ST3GAL3: variants seen among roughly 807,000 people sequenced by gnomAD.
ST3GAL3 encodes CMP-N-acetylneuraminate-beta-1,4-galactoside alpha-2,3-sialyltransferase.
ST3GAL3 carries 21 observed loss-of-function variants against 50.1 expected under a neutral mutation model. The ratio of observed to expected loss-of-function variants is 0.42; its 90% CI spans 0.30 to 0.60. The LOEUF (loss-of-function observed/expected upper bound fraction) is 0.60. Among genes scored for constraint, ST3GAL3 ranks in the 20% least tolerant of loss-of-function variants. The pLI is 0.19. For synonymous variants in ST3GAL3, 183 were observed against 190.0 expected (o/e 0.96, Z 0.30); for missense variants, 353 against 489.4 (o/e 0.72, Z 2.63).
intron 5 of ST3GAL3, among the ~76,000 whole-genome samples, chr1:43,881,096 C>G (rs554412002): frequency 7.5e-4 from 114 of 152,172 alleles, no homozygotes; most frequent in African/African-American, 2.7e-3. Context: ...CTGCAACCTC[C>G]TCCTCCCGGG....
At chr1:43,927,590 A>C (rs1198905127) in intron 11 of ST3GAL3, among the ~76,000 whole-genome samples, 1 of 152,110 alleles carries the variant, frequency 6.6e-6, no homozygotes, top group East Asian at 1.9e-4. Context: ...ATCTGCTTGA[A>C]TCCTGGCCTT....
chr1:43,850,931 C>T (rs2067173711), intron 5 of ST3GAL3: 2 of 1,119,932 alleles, frequency 1.8e-6, no homozygotes, highest in Non-Finnish European at 2.7e-6. Flanking sequence ...CCATACTTTG[C>T]CCTCCTTTCC....
intron 5 of ST3GAL3, among the ~76,000 whole-genome samples, chr1:43,856,577 A>T (rs2068428830): frequency 6.6e-6 from 1 of 152,240 alleles, no homozygotes; most frequent in South Asian, 2.1e-4. Context: ...AGAGTGCTCT[A>T]TAACTAAAGC....
intron 2 of ST3GAL3, among the ~76,000 whole-genome samples, chr1:43,755,602 G>A (rs973272646): frequency 5.9e-5 from 9 of 152,278 alleles, no homozygotes; most frequent in Non-Finnish European, 1.0e-4. Context: ...TAGGCAAAAA[G>A]TAGGGTATTT....
intron 2 of ST3GAL3, among the ~76,000 whole-genome samples, chr1:43,758,172 C>A (rs1054686741): frequency 2.0e-4 from 28 of 136,774 alleles, no homozygotes; most frequent in African/African-American, 6.8e-4. Context: ...ACCCCCCCCC[C>A]CAAAAAAAAG....
intron 3 of ST3GAL3, among the ~76,000 whole-genome samples, chr1:43,814,356 T>C (rs955792340): frequency 1.3e-5 from 2 of 152,236 alleles, no homozygotes; most frequent in Admixed American, 1.3e-4. Flanking sequence ...TGATCACTTG[T>C]TAGAAGCATC....
At chr1:43,864,536 G>A (rs370265104) in intron 5 of ST3GAL3, among the ~76,000 whole-genome samples, 139 of 152,328 alleles carry the variant, frequency 9.1e-4, no homozygotes, top group South Asian at 6.4e-3. Context: ...TGGAGTACAA[G>A]TCCTTGGTAA....
At chr1:43,851,288 TG>T (rs2067257710) in intron 5 of ST3GAL3, 1 of 1,569,650 alleles carries the variant, frequency 6.4e-7, no homozygotes, top group Non-Finnish European at 8.8e-7. Context: ...CATGAACCCG[TG>T]GGTCAGGTGA....
intron 4 of ST3GAL3, 28 bp from the exon 5 acceptor site, chr1:43,838,191 A>G: frequency 6.4e-7 from 1 of 1,571,506 alleles, no homozygotes. Flanking sequence ...GTGCCTGGCA[A>G]GCTGTAACTT....
intron 4 of ST3GAL3, among the ~76,000 whole-genome samples, chr1:43,819,783 C>A (rs960846180): frequency 6.6e-6 from 1 of 152,136 alleles, no homozygotes; most frequent in Non-Finnish European, 1.5e-5. Context: ...CCCACTCCCC[C>A]CTCTAGTAGT....
At chr1:43,855,267 A>G (rs997255334) in intron 5 of ST3GAL3, among the ~76,000 whole-genome samples, 1 of 152,198 alleles carries the variant, frequency 6.6e-6, no homozygotes, top group Admixed American at 6.5e-5. Context: ...GGAGCGGATC[A>G]TAATTCCAAA....
chr1:43,858,391 G>C (rs561222245), intron 5 of ST3GAL3: 1 of 1,150,506 alleles, frequency 8.7e-7, no homozygotes, highest in Non-Finnish European at 1.1e-6. Flanking sequence ...CAGCCTAGGA[G>C]CAGGAACTGT....
At chr1:43,851,124 AG>A (rs1188398389) in intron 5 of ST3GAL3, 1 of 1,090,386 alleles carries the variant, frequency 9.2e-7, no homozygotes, top group Non-Finnish European at 1.4e-6. Flanking sequence ...AGGTTTTAGG[AG>A]GAGCAGCTGG....
chr1:43,858,622 G>A (rs142076375), intron 5 of ST3GAL3, among the ~76,000 whole-genome samples: 228 of 152,340 alleles, frequency 1.5e-3, no homozygotes, highest in African/African-American at 5.4e-3. Context: ...CTCCCAGCCA[G>A]GAGCAAGCAG....
chr1:43,712,316 C>A (rs926604425), intron 1 of ST3GAL3, among the ~76,000 whole-genome samples: 1 of 152,138 alleles, frequency 6.6e-6, no homozygotes, highest in Non-Finnish European at 1.5e-5. Flanking sequence ...CTGGATTTCC[C>A]CACCTTTTTT....
intron 9 of ST3GAL3, 178 bp from the exon 10 acceptor site, chr1:43,920,226 C>T (rs2082786342): frequency 7.2e-6 from 5 of 697,644 alleles, no homozygotes; most frequent in Admixed American, 6.4e-5. Flanking sequence ...TTCCCCTTGT[C>T]CCTGTCACAC....
chr1:43,834,022 G>A (rs895182751), intron 4 of ST3GAL3, among the ~76,000 whole-genome samples: 1 of 151,934 alleles, frequency 6.6e-6, no homozygotes, highest in Non-Finnish European at 1.5e-5. Context: ...TTAGCCGGGC[G>A]CGGTGGCAGG....
At chr1:43,823,683 C>A (rs910797914) in intron 4 of ST3GAL3, among the ~76,000 whole-genome samples, 9 of 152,158 alleles carry the variant, frequency 5.9e-5, no homozygotes, top group Non-Finnish European at 1.5e-5. Flanking sequence ...TAGAGTGTTT[C>A]TTCTGTTTTG....
At chr1:43,808,098 T>C (rs1259374735) in intron 3 of ST3GAL3, among the ~76,000 whole-genome samples, 1 of 151,942 alleles carries the variant, frequency 6.6e-6, no homozygotes, top group African/African-American at 2.4e-5. Context: ...GGTCAGGAGT[T>C]CGAGACTGGC....
Sources: allele counts gnomAD v4.1 joint callset (sites outside exome capture counted in the v4.1 genomes callset), GRCh38; gene constraint gnomAD v4.1.1; transcripts MANE v1.5; gene names NCBI Gene and HGNC (gene_info 2026-07-23, HGNC 2026-07-21).